LYRM7: variants seen among roughly 807,000 people sequenced by gnomAD.
LYRM7 encodes the protein LYR motif containing 7, also known as complex III assembly factor LYRM7.
LYRM7 carries 9 observed loss-of-function variants against 15.8 expected under a neutral mutation model. The observed-to-expected ratio is 0.57, with a 90% CI of 0.34 to 0.99. The LOEUF (loss-of-function observed/expected upper bound fraction) is 0.99. LYRM7 is among the 50% of genes least tolerant of loss of function. The pLI, the probability that LYRM7 is intolerant of heterozygous loss-of-function variation, is 0.02. For synonymous variants in LYRM7, 39 were observed against 39.4 expected, an observed-to-expected ratio of 0.99 and a Z score of 0.04; for missense variants, 115 against 119.1, an observed-to-expected ratio of 0.97 and a Z score of 0.16.
chr5:131,172,043 AT>A (rs1252980679), intron 1 of LYRM7, among the ~76,000 whole-genome samples: 1 of 152,360 alleles, frequency 6.6e-6, no homozygotes, highest in African/African-American at 2.4e-5. Flanking sequence ...TTAAACAGTT[AT>A]TTAATTACAG....
rs979345675 is a variant in LYRM7, at chr5:131,204,967, TG to T, written c.*5367del. ...ATTGTTTACAGTGAGTATATCAACA[TG>T]TAAGTGTTAAAAGACAATAAGCTAC... On this transcript the variant is annotated 3_prime_UTR_variant, in exon 5 of 5. Coordinates refer to ENST00000379380, the MANE Select transcript of LYRM7 (RefSeq NM_181705.4). 1 of 152,294 alleles carries T rather than the reference TG, an allele frequency of 6.6e-6. No homozygotes were observed. Among genetic ancestry groups the T allele is most frequent in the African/African-American group, 2.4e-5 (1 of 41,448 alleles). The allele number at this position is 152,294 out of a possible 1,614,324, so 9.4% of individuals were successfully genotyped here.
chr5:131,198,183 A>T (rs1486041812), intron 4 of LYRM7, among the ~76,000 whole-genome samples: 3 of 152,162 alleles, frequency 2.0e-5, no homozygotes, highest in Non-Finnish European at 2.9e-5. Context: ...TTCAGTGTGT[A>T]TTTCCTAAAT....
chr5:131,201,990 C>T lies in LYRM7; in HGVS notation c.*2389C>T, dbSNP rs1263522907. Reference sequence around the variant, plus strand: ...CTGAGACTAGAGGTATGCGCCACCACACCTAGCTATTTTTTTTATTTTTAG... The same window carrying T: ...CTGAGACTAGAGGTATGCGCCACCATACCTAGCTATTTTTTTTATTTTTAG... On this transcript the variant is annotated 3_prime_UTR_variant, in exon 5 of 5. Coordinates refer to ENST00000379380, the MANE Select transcript of LYRM7 (RefSeq NM_181705.4). The T allele has an allele frequency of 6.6e-6, 1 of 151,988 alleles. No individual in the cohort carries two copies. Among genetic ancestry groups the T allele is most frequent in the Non-Finnish European group, 1.5e-5 (1 of 68,018 alleles). The allele number at this position is 151,988 out of a possible 1,614,324, so 9.4% of individuals were successfully genotyped here.
At chr5:131,188,694 T>C (rs1755835316) in intron 4 of LYRM7, among the ~76,000 whole-genome samples, 1 of 152,240 alleles carries the variant, frequency 6.6e-6, no homozygotes, top group Non-Finnish European at 1.5e-5. Context: ...ACTTTGTGGC[T>C]TTCCTTTTCA....
chr5:131,192,107 C>T (rs556765583), intron 4 of LYRM7, among the ~76,000 whole-genome samples: 2 of 147,872 alleles, frequency 1.4e-5, no homozygotes, highest in South Asian at 2.1e-4. Context: ...GCCATAAAAA[C>T]AAGGAAATCT....
chr5:131,188,971 A>G (rs1371010050), intron 4 of LYRM7, among the ~76,000 whole-genome samples: 2 of 151,008 alleles, frequency 1.3e-5, no homozygotes, highest in Non-Finnish European at 2.9e-5. Context: ...ACATGGTGAA[A>G]CCCCATTTTC....
At chr5:131,193,692 G>C (rs1353009797) in intron 4 of LYRM7, among the ~76,000 whole-genome samples, 9 of 152,054 alleles carry the variant, frequency 5.9e-5, no homozygotes, top group African/African-American at 2.2e-4. Context: ...GTCCAAAATT[G>C]AGATAAAGAC....
intron 3 of LYRM7, 62 bp downstream of exon 3, chr5:131,182,361 T>TG: frequency 8.0e-7 from 1 of 1,256,752 alleles, no homozygotes. Context: ...GAGGAAATGA[T>TG]GAAGATAGAG....
chr5:131,176,674 A>G (rs77389709), intron 1 of LYRM7, among the ~76,000 whole-genome samples: 8,969 of 152,214 alleles, frequency 0.059, 773 homozygotes, highest in African/African-American at 0.19. Flanking sequence ...CATCACCCAA[A>G]TAATGAATAT....
intron 1 of LYRM7, among the ~76,000 whole-genome samples, chr5:131,172,749 A>G (rs777424966): frequency 6.6e-6 from 1 of 152,216 alleles, no homozygotes; most frequent in Non-Finnish European, 1.5e-5. Flanking sequence ...AACCCTTAAA[A>G]TTAATCCATT....
intron 1 of LYRM7, among the ~76,000 whole-genome samples, chr5:131,175,746 G>T (rs559043111): frequency 0.012 from 1,583 of 134,408 alleles, 30 homozygotes; most frequent in African/African-American, 0.055. Flanking sequence ...TGTTGCCCAG[G>T]CTGGTTTTGT....
intron 1 of LYRM7, 130 bp downstream of exon 1, chr5:131,171,168 A>G (rs1211548945): frequency 2.1e-6 from 2 of 966,746 alleles, no homozygotes; most frequent in Non-Finnish European, 2.9e-6. Flanking sequence ...CTGTTACCCC[A>G]GAGAAGCCAG....
intron 3 of LYRM7, 145 bp from the exon 4 acceptor site, chr5:131,186,883 T>G: frequency 6.8e-6 from 4 of 584,324 alleles, no homozygotes; most frequent in South Asian, 6.4e-5. Flanking sequence ...AGACCACAGT[T>G]GACCACGGAT....
intron 1 of LYRM7, 33 bp from the exon 2 acceptor site, chr5:131,180,062 G>A (rs1286798982): frequency 1.3e-6 from 2 of 1,493,870 alleles, no homozygotes; most frequent in African/African-American, 1.4e-5. Flanking sequence ...ATGAGCCACT[G>A]TGCCCAACCT....
chr5:131,187,027 G>A lies in LYRM7; in HGVS notation c.163-1G>A. ...CTCTATTTGTTTGGTTTTCTTAACAGCTAATGAAAATAGGTTCTGATGTTG... is the reference window on the plus strand; with the variant it reads ...CTCTATTTGTTTGGTTTTCTTAACAACTAATGAAAATAGGTTCTGATGTTG... On this transcript the variant is annotated splice_acceptor_variant, in intron 3 of 4. Coordinates refer to ENST00000379380, the MANE Select transcript of LYRM7 (RefSeq NM_181705.4). LOFTEE classifies it high-confidence loss of function. The A allele has an allele frequency of 6.6e-7, 1 of 1,525,294 alleles. No homozygotes were observed. The highest frequency in any genetic ancestry group is 8.9e-7 in the Non-Finnish European group (1 of 1,117,926). 94.5% of individuals were successfully genotyped at this position (1,525,294 alleles called of 1,614,324 possible).
intron 2 of LYRM7, among the ~76,000 whole-genome samples, chr5:131,181,384 ATATACATATATAT>A (rs1561544401): frequency 1.1e-4 from 11 of 100,124 alleles, no homozygotes; most frequent in East Asian, 2.2e-4. Flanking sequence ...TATATATAAT[ATATACATATATAT>A]TATATATACA....
chr5:131,191,589 A>G (rs1421711069), intron 4 of LYRM7, among the ~76,000 whole-genome samples: 1 of 152,176 alleles, frequency 6.6e-6, no homozygotes, highest in Non-Finnish European at 1.5e-5. Context: ...TTTAAAAATC[A>G]CTTCCAGACA....
intron 4 of LYRM7, among the ~76,000 whole-genome samples, chr5:131,187,670 G>A (rs1393415357): frequency 6.6e-6 from 1 of 151,816 alleles, no homozygotes; most frequent in Non-Finnish European, 1.5e-5. Flanking sequence ...ATTTTTAATA[G>A]AAACAGGGTT....
At chr5:131,173,357 G>A (rs529303074) in intron 1 of LYRM7, among the ~76,000 whole-genome samples, 12 of 152,218 alleles carry the variant, frequency 7.9e-5, no homozygotes, top group Non-Finnish European at 1.5e-4. Flanking sequence ...GCAGTAAAGC[G>A]AGTAATACAA....
Sources: allele counts gnomAD v4.1 joint callset (sites outside exome capture counted in the v4.1 genomes callset), GRCh38; gene constraint gnomAD v4.1.1; transcripts MANE v1.5; gene names NCBI Gene and HGNC (gene_info 2026-07-23, HGNC 2026-07-21).